The following CREB5 variants were observed in gnomAD, a reference collection of about 807,000 sequenced individuals.
CREB5 encodes cAMP responsive element binding protein 5, also known as cyclic AMP-responsive element-binding protein 5.
A neutral mutation model predicts 57.1 loss-of-function variants in CREB5; 19 were observed. The observed-to-expected ratio is 0.33, with a 90% confidence interval of 0.23 to 0.49. The LOEUF is 0.49. Among genes scored for constraint, CREB5 ranks in the 20% least tolerant of loss-of-function variants. The pLI is 0.99. For missense variants in CREB5, 579 were observed against 671.6 expected, an observed-to-expected ratio of 0.86 and a Z score of 1.52; for synonymous variants, 238 against 238.3, an observed-to-expected ratio of 1.00 and a Z score of 0.01.
chr7:28,470,917 A>T (rs6979608), intron 1 of CREB5, among the ~76,000 whole-genome samples: 125,144 of 152,146 alleles, frequency 0.82, 51,471 homozygotes, highest in Admixed American at 0.86. Flanking sequence ...CCAATTTTTT[A>T]ATTGGATTAT....
At chr7:28,544,414 A>G (rs536531306) in intron 4 of CREB5, among the ~76,000 whole-genome samples, 100 of 152,298 alleles carry the variant, frequency 6.6e-4, no homozygotes, top group Middle Eastern at 6.8e-3. Context: ...CCCTGGCACC[A>G]TCTCTTTTTA....
chr7:28,330,129 T>C (rs1785686505), intron 1 of CREB5, among the ~76,000 whole-genome samples: 1 of 152,208 alleles, frequency 6.6e-6, no homozygotes, highest in Admixed American at 6.5e-5. Flanking sequence ...CTGCAAATCA[T>C]TGTGCAAAAC....
intron 1 of CREB5, among the ~76,000 whole-genome samples, chr7:28,470,452 T>C (rs1790758981): frequency 1.3e-5 from 2 of 152,202 alleles, no homozygotes; most frequent in Non-Finnish European, 2.9e-5. Context: ...ATAAATACAA[T>C]ATTTTCTTTG....
chr7:28,568,713 G>A (rs951462543), intron 4 of CREB5, among the ~76,000 whole-genome samples: 5 of 152,286 alleles, frequency 3.3e-5, no homozygotes, highest in African/African-American at 1.2e-4. Context: ...TAGGCTCACA[G>A]TCTAAGCCAG....
At chr7:28,724,138 T>A (rs1451752288) in intron 6 of CREB5, 84 bp from the exon 7 acceptor site, 1 of 1,153,590 alleles carries the variant, frequency 8.7e-7, no homozygotes, top group Non-Finnish European at 1.2e-6. Context: ...TACTAAACGA[T>A]CCATTGGACA....
chr7:28,787,619 C>T (rs1004505031), intron 7 of CREB5, among the ~76,000 whole-genome samples: 9 of 152,192 alleles, frequency 5.9e-5, no homozygotes, highest in African/African-American at 2.2e-4. Flanking sequence ...GAGGCTAAAG[C>T]GCAGGCTGCA....
chr7:28,377,776 A>T (rs533570022), intron 1 of CREB5, among the ~76,000 whole-genome samples: 79 of 151,758 alleles, frequency 5.2e-4, no homozygotes, highest in African/African-American at 1.9e-3. Context: ...AAAAATACAA[A>T]AAAAAATTAG....
chr7:28,508,663 C>T (rs1187038696), intron 4 of CREB5, among the ~76,000 whole-genome samples: 3 of 152,130 alleles, frequency 2.0e-5, no homozygotes, highest in Admixed American at 2.0e-4. Context: ...CTGTCACATT[C>T]TCATGTCATA....
chr7:28,644,004 A>AGAG (rs1453963337), intron 5 of CREB5, among the ~76,000 whole-genome samples: 1 of 151,976 alleles, frequency 6.6e-6, no homozygotes, highest in Non-Finnish European at 1.5e-5. Context: ...TTTGGGCCCA[A>AGAG]GAGGTCAAGG....
At chr7:28,737,565 AT>A (rs1562606586) in intron 7 of CREB5, among the ~76,000 whole-genome samples, 8,627 of 110,324 alleles carry the variant, frequency 0.078, 965 homozygotes, top group African/African-American at 0.19. Flanking sequence ...ATATATATAT[AT>A]ATATATATAT....
chr7:28,712,363 C>T (rs779787622), intron 5 of CREB5, among the ~76,000 whole-genome samples: 26 of 151,688 alleles, frequency 1.7e-4, no homozygotes, highest in Non-Finnish European at 1.6e-4. Flanking sequence ...GAAAAATTAC[C>T]CCGGCATAGT....
intron 1 of CREB5, among the ~76,000 whole-genome samples, chr7:28,376,473 T>C: frequency 6.6e-6 from 1 of 152,128 alleles, no homozygotes. Flanking sequence ...TTTCGCCATG[T>C]TGGCCAGGCT....
intron 1 of CREB5, among the ~76,000 whole-genome samples, chr7:28,380,175 GAC>G (rs1200280764): frequency 6.6e-6 from 1 of 152,186 alleles, no homozygotes; most frequent in Non-Finnish European, 1.5e-5. Context: ...TGACCCTAAG[GAC>G]GTCTGGTCTG....
At chr7:28,688,044 C>G (rs982960839) in intron 5 of CREB5, among the ~76,000 whole-genome samples, 1 of 152,168 alleles carries the variant, frequency 6.6e-6, no homozygotes, top group African/African-American at 2.4e-5. Flanking sequence ...GAGTATTTAG[C>G]ATAGCTTTTC....
intron 4 of CREB5, among the ~76,000 whole-genome samples, chr7:28,560,811 T>C (rs531563046): frequency 0.094 from 3,233 of 34,314 alleles, 623 homozygotes; most frequent in African/African-American, 0.25. Context: ...TGTGTGCGCG[T>C]GTGTGTGTGT....
intron 1 of CREB5, among the ~76,000 whole-genome samples, chr7:28,300,279 G>A (rs1307941194): frequency 6.6e-6 from 1 of 152,038 alleles, no homozygotes; most frequent in East Asian, 1.9e-4. Context: ...GACTGAATGG[G>A]CTGTGAGAAG....
intron 1 of CREB5, among the ~76,000 whole-genome samples, chr7:28,383,261 G>A (rs919795948): frequency 6.6e-6 from 1 of 152,084 alleles, no homozygotes; most frequent in Non-Finnish European, 1.5e-5. Context: ...CTCTTCTAAA[G>A]GACTAAATCA....
At chr7:28,386,913 C>G (rs754250573) in intron 1 of CREB5, among the ~76,000 whole-genome samples, 2 of 152,120 alleles carry the variant, frequency 1.3e-5, no homozygotes, top group Non-Finnish European at 2.9e-5. Context: ...GATCTTGTTT[C>G]TTTTTATGGC....
chr7:28,661,537 C>A (rs2128713717), intron 5 of CREB5, among the ~76,000 whole-genome samples: 1 of 150,738 alleles, frequency 6.6e-6, no homozygotes, highest in Non-Finnish European at 1.5e-5. Flanking sequence ...CATCATCTAT[C>A]TTTTTCTCTG....
Sources: allele counts gnomAD v4.1 joint callset (sites outside exome capture counted in the v4.1 genomes callset), GRCh38; gene constraint gnomAD v4.1.1; transcripts MANE v1.5; gene names NCBI Gene and HGNC (gene_info 2026-07-23, HGNC 2026-07-21).